Variants in TLN2 observed in about 807,000 individuals in gnomAD.
The protein encoded by TLN2 is talin 2, also known as talin-2.
Under a neutral mutation model 294.7 loss-of-function variants are expected in TLN2, and 118 were observed. That is an observed-to-expected ratio of 0.40 (90% CI 0.34 to 0.47). The LOEUF is 0.47. Ranked by LOEUF, TLN2 falls within the 20% of genes least tolerant of loss-of-function variation. The probability of loss-of-function intolerance (pLI) is 0.84; values close to 1 mark genes in which losing one functional copy is unlikely to be tolerated. For synonymous variants in TLN2, 1,431 were observed against 1,304.5 expected, an observed-to-expected ratio of 1.10 and a Z score of -2.09; for missense variants, 3,083 against 3,282.2, an observed-to-expected ratio of 0.94 and a Z score of 1.48.
intron 26 of TLN2, among the ~76,000 whole-genome samples, chr15:62,723,186 T>C (rs2060248373): frequency 6.6e-6 from 1 of 152,226 alleles, no homozygotes; most frequent in South Asian, 2.1e-4. Flanking sequence ...AGAAGTTGAC[T>C]GAATTCTTAA....
intron 1 of TLN2, among the ~76,000 whole-genome samples, chr15:62,437,029 C>G (rs2035319068): frequency 6.6e-6 from 1 of 152,264 alleles, no homozygotes; most frequent in Non-Finnish European, 1.5e-5. Flanking sequence ...GTGCCCAACC[C>G]AATTGTATGA....
chr15:62,399,240 G>A (rs2032807665), intron 1 of TLN2, among the ~76,000 whole-genome samples: 2 of 110,406 alleles, frequency 1.8e-5, no homozygotes, highest in Non-Finnish European at 3.4e-5. Context: ...GTGACAGAGC[G>A]AGACTCCGTC....
rs79059180 is a variant in TLN2, at chr15:62,786,050, A to T, written c.5736+2160A>T. Among the ~76,000 whole-genome samples the T allele has an allele frequency of 2.5e-3, 377 of 152,346 alleles. 10 individuals are homozygous for T. The East Asian group carries it at 0.06, about 24-fold the overall frequency. The stretch of plus-strand genomic sequence containing the variant: ...ACATTCCAGACACGAGAGCAGTGTG[A>T]CCTGGAGTGAAAAGGGGCAGAGAGA... On this transcript the variant is annotated intron_variant, in intron 45 of 58. Transcript: ENST00000636159.
Position 62,716,446 on chromosome 15 carries a change from T to G in TLN2, c.2750T>G (p.Val917Gly). Residue 917 changes from valine (V) to glycine (G), a missense_variant, in exon 23 of 59, where the codon GTC becomes GGC. Val to Gly is a moderately radical substitution (Grantham distance 109). Coordinates refer to ENST00000636159, the MANE Select transcript of TLN2 (RefSeq NM_015059.3). ...CAGAATGCTATTAAGAAAAAAATTG[T>G]CAACCGACTGGAGGTAAGGAAAGAG... ...AAQNAIKKKI[V>G]NRLEVAAKQA... The G allele has an allele frequency of 6.2e-7, 1 of 1,604,732 alleles. No homozygotes were observed. Among genetic ancestry groups the G allele is most frequent in the Non-Finnish European group, 8.5e-7 (1 of 1,176,046 alleles).
intron 9 of TLN2, among the ~76,000 whole-genome samples, chr15:62,664,624 C>T (rs942254675): frequency 4.0e-5 from 6 of 151,702 alleles, no homozygotes; most frequent in Non-Finnish European, 5.9e-5. Context: ...TTTGGGAGGC[C>T]GAAGTGGGTG....
chr15:62,828,371 G>GGAAAA (rs61086582), intron 54 of TLN2: 19,567 of 152,218 alleles, frequency 0.13, 1,248 homozygotes, highest in South Asian at 0.18. Context: ...AGGGGAAGGG[G>GGAAAA]GAAAAGAACA....
At chr15:62,505,388 T>A (rs1032401958) in intron 1 of TLN2, among the ~76,000 whole-genome samples, 9 of 152,240 alleles carry the variant, frequency 5.9e-5, no homozygotes, top group African/African-American at 2.2e-4. Context: ...TTGTCTTAAA[T>A]CTGGCTTACA....
In TLN2 at chr15:62,722,593, G is replaced by T. The variant is rs1489144279; in HGVS notation, c.3126+106G>T. 12 of 1,356,104 alleles carry T rather than the reference G, an allele frequency of 8.8e-6. No individual in the cohort carries two copies. In the Admixed American group the frequency reaches 1.1e-4, roughly 12 times the overall value. 84.0% of individuals were successfully genotyped at this position (1,356,104 alleles called of 1,614,324 possible). A position where few individuals can be genotyped will look rare whatever the true frequency, so the allele number is the denominator to read the frequency against. Reference sequence around the variant, plus strand: ...GCTGAACCTATTTCTTGGCAAAGTTGTCCATTCTACTTGCATGACTATTAA... The same window carrying T: ...GCTGAACCTATTTCTTGGCAAAGTTTTCCATTCTACTTGCATGACTATTAA... On this transcript the variant is annotated intron_variant, in intron 26 of 58. Coordinates refer to ENST00000636159, the MANE Select transcript of TLN2 (RefSeq NM_015059.3).
chr15:62,465,477 C>A (rs558122961), intron 1 of TLN2, among the ~76,000 whole-genome samples: 9 of 152,290 alleles, frequency 5.9e-5, no homozygotes, highest in African/African-American at 2.2e-4. Flanking sequence ...TGAACGTGAA[C>A]ATTTTACATG....
intron 1 of TLN2, among the ~76,000 whole-genome samples, chr15:62,517,498 C>T (rs560708316): frequency 2.6e-5 from 4 of 152,246 alleles, no homozygotes; most frequent in South Asian, 2.1e-4. Flanking sequence ...CTGCATTTGC[C>T]GAGCAGTGGA....
At chr15:62,693,955 CTTTTTTTTT>C (rs71131123) in intron 13 of TLN2, among the ~76,000 whole-genome samples, 1 of 94,228 alleles carries the variant, frequency 1.1e-5, no homozygotes, top group African/African-American at 4.0e-5. Context: ...GATTTTCTTT[CTTTTTTTTT>C]TTTTTTTTTT....
chr15:62,722,214 T>C (rs1432114216), intron 25 of TLN2, 139 bp from the exon 26 acceptor site: 16 of 963,714 alleles, frequency 1.7e-5, no homozygotes, highest in East Asian at 1.3e-4. Flanking sequence ...AGTTTGGGAA[T>C]AGGGGATGAG....
chr15:62,788,370 CT>C (rs1274583716), intron 45 of TLN2, among the ~76,000 whole-genome samples: 1 of 152,164 alleles, frequency 6.6e-6, no homozygotes, highest in Non-Finnish European at 1.5e-5. Context: ...ACAAAATGTT[CT>C]GGGAAATTGC....
At chr15:62,432,440 TATAGTGGCATTA>T (rs1251254403) in intron 1 of TLN2, among the ~76,000 whole-genome samples, 5 of 152,172 alleles carry the variant, frequency 3.3e-5, no homozygotes, top group Admixed American at 3.3e-4. Context: ...CAAGTGCTTT[TATAGTGGCATTA>T]ATCCACTCAT....
chr15:62,528,670 CTT>C (rs3055755), intron 1 of TLN2, among the ~76,000 whole-genome samples: 3 of 96,778 alleles, frequency 3.1e-5, no homozygotes, highest in African/African-American at 4.3e-5. Flanking sequence ...CCAGAGCTTG[CTT>C]TTTTTTTTTT....
intron 1 of TLN2, among the ~76,000 whole-genome samples, chr15:62,534,239 A>C (rs1431103223): frequency 6.6e-6 from 1 of 152,134 alleles, no homozygotes; most frequent in Non-Finnish European, 1.5e-5. Flanking sequence ...CTATTTTGAC[A>C]CTACCTAAAG....
rs76235057 is a variant in TLN2 at position 62,503,433 on chromosome 15, C to T, written c.-237-86254C>T. The stretch of plus-strand genomic sequence containing the variant: ...CTTCAACTTTTAGCACTGATTTCTC[C>T]GCTTAACCCATGTGTGCTTTATACA... On this transcript the variant is annotated intron_variant, in intron 1 of 58. Transcript: ENST00000636159. Among the ~76,000 whole-genome samples, 65 of 152,288 alleles carry T rather than the reference C, an allele frequency of 4.3e-4. 1 individual carries two copies. The East Asian group carries it at 6.2e-3, about 14-fold the overall frequency.
At position 62,755,580 on chromosome 15, in the gene TLN2, A is replaced by G; in HGVS notation, c.4525A>G (p.Asn1509Asp). 6.2e-7 allele frequency: 1 copy of G among 1,614,178 alleles called. No homozygotes were observed. Among genetic ancestry groups the G allele is most frequent in the South Asian group, 1.1e-5 (1 of 91,082 alleles). ...IVAKHTSALC[N>D]ACRIASSKTA... Reference sequence around the variant, plus strand: ...TGCCAAGCACACGTCAGCCTTGTGCAATGCCTGCCGCATCGCCTCATCCAA... The same window carrying G: ...TGCCAAGCACACGTCAGCCTTGTGCGATGCCTGCCGCATCGCCTCATCCAA... The change falls in exon 37 of 59, where the codon AAT becomes GAT. Residue 1509 changes from asparagine (N) to aspartate (D), a missense_variant. Physicochemically the swap from Asn to Asp is conservative, Grantham distance 23 (BLOSUM62 1). Coordinates refer to ENST00000636159, the MANE Select transcript of TLN2 (RefSeq NM_015059.3).
intron 1 of TLN2, among the ~76,000 whole-genome samples, chr15:62,504,338 T>A (rs746143526): frequency 2.6e-5 from 4 of 152,190 alleles, no homozygotes; most frequent in Admixed American, 6.5e-5. Context: ...ATTCTAAAAT[T>A]TACATGGAAA....
Sources: gnomAD v4.1 joint callset for allele counts (sites outside exome capture counted in the v4.1 genomes callset) on GRCh38, gnomAD v4.1.1 for gene constraint, MANE v1.5 for transcripts, NCBI Gene and HGNC (gene_info 2026-07-23, HGNC 2026-07-21) for gene names.